CAMK2D: variants seen among roughly 807,000 people sequenced by gnomAD.
CAMK2D encodes the protein calcium/calmodulin-dependent protein kinase type II subunit delta.
CAMK2D carries 37 observed loss-of-function variants against 84.0 expected under a neutral mutation model. That is an observed-to-expected ratio of 0.44 (90% CI 0.34 to 0.58). The LOEUF (loss-of-function observed/expected upper bound fraction) is 0.58, where lower values mean the gene tolerates loss of function less well. CAMK2D is among the 20% of genes least tolerant of loss of function. The pLI, the probability that CAMK2D is intolerant of heterozygous loss-of-function variation, is 0.02. For synonymous variants in CAMK2D, 202 were observed against 212.5 expected (o/e 0.95, Z 0.43); for missense variants, 448 against 652.5 (o/e 0.69, Z 3.41).
At chr4:113,555,598 T>C (rs1020810560) in intron 4 of CAMK2D, among the ~76,000 whole-genome samples, 7 of 152,180 alleles carry the variant, frequency 4.6e-5, no homozygotes, top group Non-Finnish European at 1.0e-4. Context: ...TCCTGCTGCC[T>C]TGCATTTAAG....
At chr4:113,690,140 T>C (rs2099382527) in intron 2 of CAMK2D, among the ~76,000 whole-genome samples, 1 of 152,064 alleles carries the variant, frequency 6.6e-6, no homozygotes. Context: ...GAACAAAACT[T>C]AGCAAACCTC....
chr4:113,511,677 A>T (rs926643510), intron 12 of CAMK2D, among the ~76,000 whole-genome samples: 1 of 152,234 alleles, frequency 6.6e-6, no homozygotes, highest in Non-Finnish European at 1.5e-5. Context: ...CACCCATATA[A>T]ATGTCAACTA....
At chr4:113,488,992 A>C (rs898276500) in intron 16 of CAMK2D, among the ~76,000 whole-genome samples, 1 of 152,204 alleles carries the variant, frequency 6.6e-6, no homozygotes, top group Admixed American at 6.5e-5. Context: ...GTATAGAGGT[A>C]AAATAGAAGA....
At chr4:113,529,778 A>G (rs760940070) in intron 8 of CAMK2D, among the ~76,000 whole-genome samples, 22 of 152,134 alleles carry the variant, frequency 1.4e-4, no homozygotes, top group African/African-American at 2.2e-4. Flanking sequence ...TTATTTTCCA[A>G]TATTTACTAG....
chr4:113,466,287 T>TATAAA (rs959352270), intron 16 of CAMK2D, among the ~76,000 whole-genome samples: 6 of 149,300 alleles, frequency 4.0e-5, no homozygotes, highest in Admixed American at 1.3e-4. Flanking sequence ...AATAAATAAA[T>TATAAA]ATAAAATAAA....
intron 3 of CAMK2D, among the ~76,000 whole-genome samples, chr4:113,623,660 T>C (rs1372452655): frequency 6.6e-6 from 1 of 152,144 alleles, no homozygotes; most frequent in African/African-American, 2.4e-5. Flanking sequence ...ATAGAAAAGA[T>C]AACAGTAAAA....
In CAMK2D at chr4:113,735,007, G is replaced by A. The variant is rs570695361; in HGVS notation, c.160+24313C>T. On this transcript the variant is annotated intron_variant, in intron 2 of 20. Coordinates refer to ENST00000511664, the MANE Select transcript of CAMK2D (RefSeq NM_001321571.2). Reference sequence around the variant, plus strand: ...TCACCAAATGAGTAAAACAGATTCCGAAAACTACCCAAGACATTTTAAAAA... The same window carrying A: ...TCACCAAATGAGTAAAACAGATTCCAAAAACTACCCAAGACATTTTAAAAA... Among the ~76,000 whole-genome samples the A allele has an allele frequency of 3.1e-4, 46 of 150,246 alleles. No individual in the cohort carries two copies. The East Asian group carries it at 5.4e-3, about 18-fold the overall frequency.
In CAMK2D at chr4:113,505,047, C is replaced by T; in HGVS notation, c.985-12G>A. The T allele has an allele frequency of 6.4e-7, 1 of 1,552,334 alleles. No homozygotes were observed. The highest frequency in any genetic ancestry group is 1.4e-5 in the African/African-American group (1 of 73,336). On this transcript the variant is annotated splice_polypyrimidine_tract_variant and intron_variant, in intron 13 of 20. Coordinates refer to ENST00000511664, the MANE Select transcript of CAMK2D (RefSeq NM_001321571.2). ...GCTTTGTTGTTTATCTGTGGGTATG[C>T]AGAAAATAGAAACAGAGATGCCTTA...
chr4:113,736,930 A>C (rs1173521366), intron 2 of CAMK2D, among the ~76,000 whole-genome samples: 2 of 152,166 alleles, frequency 1.3e-5, no homozygotes, highest in Non-Finnish European at 2.9e-5. Flanking sequence ...CAATATGCGC[A>C]TTATGAAGAA....
intron 2 of CAMK2D, among the ~76,000 whole-genome samples, chr4:113,683,538 G>C (rs1432692292): frequency 1.3e-5 from 2 of 152,186 alleles, no homozygotes; most frequent in African/African-American, 4.8e-5. Flanking sequence ...ACACAGATGA[G>C]AGAAAATACA....
At chr4:113,722,874 C>T (rs1017474018) in intron 2 of CAMK2D, among the ~76,000 whole-genome samples, 4 of 152,044 alleles carry the variant, frequency 2.6e-5, no homozygotes, top group African/African-American at 9.7e-5. Flanking sequence ...TTCACCTTCA[C>T]CAAAGCAGAG....
At chr4:113,524,458 C>T (rs570008719) in intron 8 of CAMK2D, among the ~76,000 whole-genome samples, 18 of 152,186 alleles carry the variant, frequency 1.2e-4, no homozygotes, top group African/African-American at 3.4e-4. Flanking sequence ...TGTTGTAGCA[C>T]GGGACAGAAT....
At chr4:113,480,949 G>A (rs1283779004) in intron 16 of CAMK2D, among the ~76,000 whole-genome samples, 1 of 152,148 alleles carries the variant, frequency 6.6e-6, no homozygotes, top group African/African-American at 2.4e-5. Context: ...GCGTTCACCA[G>A]ACATCAAGTC....
At position 113,664,470 on chromosome 4, in the gene CAMK2D, C is replaced by T. The variant is rs544203256; in HGVS notation, c.161-2698G>A. On this transcript the variant is annotated intron_variant, in intron 2 of 20. Transcript: ENST00000511664. ...GACTGAGGAAGGATCTGCTTCCAAG[C>T]TGGCATAGTTGTTGGCAGTACTCAG... Among the ~76,000 whole-genome samples, 227 of 152,312 alleles carry T rather than the reference C, an allele frequency of 1.5e-3. 1 individual carries two copies. The highest frequency in any genetic ancestry group is 5.3e-3 in the African/African-American group (219 of 41,562).
intron 11 of CAMK2D, 128 bp from the exon 12 acceptor site, chr4:113,513,498 T>A (rs1478386209): frequency 2.7e-6 from 2 of 728,224 alleles, no homozygotes; most frequent in African/African-American, 3.6e-5. Flanking sequence ...TTATTGTTTG[T>A]TTTTGTTTTT....
At chr4:113,524,166 C>T (rs2098398542) in intron 8 of CAMK2D, among the ~76,000 whole-genome samples, 1 of 152,176 alleles carries the variant, frequency 6.6e-6, no homozygotes, top group Non-Finnish European at 1.5e-5. Flanking sequence ...GCCACCATGT[C>T]CAGCCAGATG....
intron 6 of CAMK2D, among the ~76,000 whole-genome samples, chr4:113,541,672 C>A (rs79595518): frequency 0.028 from 4,253 of 151,890 alleles, 161 homozygotes; most frequent in African/African-American, 0.097. Context: ...TTCTTAAATT[C>A]CTTTGGATAT....
chr4:113,748,478 C>T (rs2099609725), intron 2 of CAMK2D, among the ~76,000 whole-genome samples: 1 of 151,774 alleles, frequency 6.6e-6, no homozygotes, highest in Non-Finnish European at 1.5e-5. Context: ...TCCTAAGAAA[C>T]TAATCAGAAC....
intron 10 of CAMK2D, among the ~76,000 whole-genome samples, chr4:113,514,329 C>G (rs1241935440): frequency 1.3e-5 from 2 of 152,154 alleles, no homozygotes; most frequent in Non-Finnish European, 2.9e-5. Flanking sequence ...AGGAGAATTG[C>G]TTGAACCTGG....
Sources: gnomAD v4.1 joint callset for allele counts (sites outside exome capture counted in the v4.1 genomes callset) on GRCh38, gnomAD v4.1.1 for gene constraint, MANE v1.5 for transcripts, NCBI Gene and HGNC (gene_info 2026-07-23, HGNC 2026-07-21) for gene names.